Variants in SRPK2 observed in about 807,000 individuals in gnomAD.
SRPK2 encodes SFRS protein kinase 2.
A neutral mutation model predicts 90.8 loss-of-function variants in SRPK2; 21 were observed. The ratio of observed to expected loss-of-function variants is 0.23; its 90% confidence interval spans 0.16 to 0.33. SRPK2 has a LOEUF of 0.33. SRPK2 is among the 10% of genes least tolerant of loss of function. The pLI is 1.00. For missense variants in SRPK2, 620 were observed against 869.0 expected (o/e 0.71, Z 3.60); for synonymous variants, 288 against 311.1 (o/e 0.93, Z 0.78).
intron 2 of SRPK2, among the ~76,000 whole-genome samples, chr7:105,255,940 A>G (rs1563153696): frequency 6.7e-6 from 1 of 148,670 alleles, no homozygotes; most frequent in African/African-American, 2.5e-5. Context: ...AAAAAAAAAA[A>G]GAGAGAGAGC....
chr7:105,335,105 A>G (rs1299451864), intron 2 of SRPK2, among the ~76,000 whole-genome samples: 1 of 152,222 alleles, frequency 6.6e-6, no homozygotes, highest in East Asian at 1.9e-4. Context: ...CAGGAGGCAG[A>G]GGCTACAGTG....
At chr7:105,394,883 CA>C (rs1822278035) in intron 1 of SRPK2, among the ~76,000 whole-genome samples, 1 of 152,064 alleles carries the variant, frequency 6.6e-6, no homozygotes, top group Non-Finnish European at 1.5e-5. Flanking sequence ...AAAAACAAAA[CA>C]AAACAGCCGG....
At chr7:105,231,243 G>C (rs533951907) in intron 2 of SRPK2, among the ~76,000 whole-genome samples, 3 of 152,244 alleles carry the variant, frequency 2.0e-5, no homozygotes, top group African/African-American at 7.2e-5. Flanking sequence ...GTCTATCCAT[G>C]TTCCCACAAA....
chr7:105,125,957 C>T lies in SRPK2; in HGVS notation c.1915+291G>A, dbSNP rs888669691. 35 of 745,346 alleles carry T rather than the reference C, an allele frequency of 4.7e-5. 1 individual carries two copies. Among genetic ancestry groups the T allele is most frequent in the Non-Finnish European group, 6.2e-5 (30 of 483,944 alleles). The allele number at this position is 745,346 out of a possible 1,614,324, so 46.2% of individuals were successfully genotyped here. Reference sequence around the variant, plus strand: ...TGCATGCAGACACTACCACCGCCCGCGCAGACAGAAACAGAGCGCAACTTG... The same window carrying T: ...TGCATGCAGACACTACCACCGCCCGTGCAGACAGAAACAGAGCGCAACTTG... On this transcript the variant is annotated intron_variant, in intron 15 of 15. Transcript: ENST00000393651.
chr7:105,208,452 A>G (rs1325888209), intron 2 of SRPK2, among the ~76,000 whole-genome samples: 1 of 152,226 alleles, frequency 6.6e-6, no homozygotes, highest in Admixed American at 6.5e-5. Flanking sequence ...ATTCACTAAC[A>G]AAGAGAAATG....
chr7:105,241,812 CCCAGCAAAATGA>C (rs1800852115), intron 2 of SRPK2, among the ~76,000 whole-genome samples: 1 of 152,068 alleles, frequency 6.6e-6, no homozygotes, highest in African/African-American at 2.4e-5. Flanking sequence ...CACCTCTCCT[CCCAGCAAAATGA>C]CCAGACATCT....
intron 2 of SRPK2, among the ~76,000 whole-genome samples, chr7:105,320,154 G>T (rs539281153): frequency 6.6e-6 from 1 of 152,160 alleles, no homozygotes; most frequent in East Asian, 1.9e-4. Context: ...AAATAATAAA[G>T]CAACATCTAT....
intron 13 of SRPK2, among the ~76,000 whole-genome samples, chr7:105,131,226 T>C (rs1801952175): frequency 6.6e-6 from 1 of 152,216 alleles, no homozygotes; most frequent in African/African-American, 2.4e-5. Context: ...GTGGCCATTG[T>C]GGTCTAACCT....
chr7:105,173,943 T>C (rs1028723655), intron 3 of SRPK2, among the ~76,000 whole-genome samples: 3 of 146,876 alleles, frequency 2.0e-5, no homozygotes, highest in African/African-American at 7.6e-5. Context: ...TTTTTTTGGC[T>C]GCTTAAAAAA....
intron 3 of SRPK2, among the ~76,000 whole-genome samples, chr7:105,170,967 G>GAAAGAAAGAGAA (rs66735717): frequency 4.0e-5 from 3 of 74,458 alleles, no homozygotes; most frequent in African/African-American, 5.4e-5. Flanking sequence ...AAGAAAGAAA[G>GAAAGAAAGAGAA]AGAAAGAAAG....
chr7:105,315,248 C>A (rs1293162667), intron 2 of SRPK2, among the ~76,000 whole-genome samples: 1 of 152,078 alleles, frequency 6.6e-6, no homozygotes, highest in Non-Finnish European at 1.5e-5. Context: ...TGCAAAAGAC[C>A]TGAATTAATC....
chr7:105,359,150 CTTTTTT>C (rs35765090), intron 2 of SRPK2, among the ~76,000 whole-genome samples: 5 of 54,830 alleles, frequency 9.1e-5, no homozygotes, highest in East Asian at 6.9e-4. Context: ...CAAACCACAG[CTTTTTT>C]TTTTTTTTTT....
chr7:105,242,138 T>C (rs1800893026), intron 2 of SRPK2, among the ~76,000 whole-genome samples: 1 of 152,226 alleles, frequency 6.6e-6, no homozygotes, highest in African/African-American at 2.4e-5. Flanking sequence ...ATGAATATGA[T>C]ATCAAATGAC....
At chr7:105,391,610 G>A (rs757145476), upstream of SRPK2, among the ~76,000 whole-genome samples, 10 of 152,102 alleles carry the variant, frequency 6.6e-5, no homozygotes, top group South Asian at 1.2e-3. Flanking sequence ...AGGAGTTGGC[G>A]GCTGCAGTGA....
chr7:105,233,028 AAGAGAAG>A (rs778152469), intron 2 of SRPK2, among the ~76,000 whole-genome samples: 2 of 150,228 alleles, frequency 1.3e-5, no homozygotes, highest in Non-Finnish European at 3.0e-5. Flanking sequence ...AAGAAAGGAA[AAGAGAAG>A]AGAGAAGAGA....
At chr7:105,120,753 A>C (rs1247840141) in intron 15 of SRPK2, among the ~76,000 whole-genome samples, 1 of 152,204 alleles carries the variant, frequency 6.6e-6, no homozygotes, top group Non-Finnish European at 1.5e-5. Context: ...TTATGTGTGC[A>C]AACCCTTAAG....
At chr7:105,184,134 C>T (rs1254231371) in intron 3 of SRPK2, among the ~76,000 whole-genome samples, 1 of 151,766 alleles carries the variant, frequency 6.6e-6, no homozygotes, top group Non-Finnish European at 1.5e-5. Flanking sequence ...TGCCACCACA[C>T]CTGGCTAATT....
chr7:105,296,002 G>A (rs1469469193), intron 2 of SRPK2, among the ~76,000 whole-genome samples: 1 of 152,148 alleles, frequency 6.6e-6, no homozygotes, highest in Non-Finnish European at 1.5e-5. Context: ...ACCCCAAAAG[G>A]AGAAAAGTGT....
intron 2 of SRPK2, among the ~76,000 whole-genome samples, chr7:105,208,013 G>A (rs1225963280): frequency 6.6e-6 from 1 of 152,030 alleles, no homozygotes; most frequent in Non-Finnish European, 1.5e-5. Context: ...CTACAAAGAG[G>A]ATATACACAT....
Sources: gnomAD v4.1 joint callset for allele counts (sites outside exome capture counted in the v4.1 genomes callset) on GRCh38, gnomAD v4.1.1 for gene constraint, MANE v1.5 for transcripts, NCBI Gene and HGNC (gene_info 2026-07-23, HGNC 2026-07-21) for gene names.